The following IGF2BP3 variants were observed in gnomAD, a reference collection of about 807,000 sequenced individuals.
IGF2BP3 encodes the protein insulin like growth factor 2 mRNA binding protein 3.
A neutral mutation model predicts 73.8 loss-of-function variants in IGF2BP3; 9 were observed. The ratio of observed to expected loss-of-function variants is 0.12; its 90% CI spans 0.07 to 0.21. IGF2BP3 has a LOEUF of 0.21. Among genes scored for constraint, IGF2BP3 ranks in the 10% least tolerant of loss-of-function variants. The pLI is 1.00. For missense variants in IGF2BP3, 542 were observed against 714.0 expected (o/e 0.76, Z 2.75); for synonymous variants, 258 against 256.7 (o/e 1.01, Z -0.05).
chr7:23,353,863 C>T (rs1234525187), intron 5 of IGF2BP3, among the ~76,000 whole-genome samples: 3 of 152,030 alleles, frequency 2.0e-5, no homozygotes, highest in Non-Finnish European at 4.4e-5. Context: ...GATTAAGGGA[C>T]CTAAAATATT....
At chr7:23,375,392 T>A (rs1785686554) in intron 3 of IGF2BP3, among the ~76,000 whole-genome samples, 1 of 152,064 alleles carries the variant, frequency 6.6e-6, no homozygotes, top group African/African-American at 2.4e-5. Context: ...TCCCCCAACA[T>A]GCCACACAGT....
chr7:23,317,093 T>G (rs1366021275), intron 12 of IGF2BP3, among the ~76,000 whole-genome samples: 1 of 152,186 alleles, frequency 6.6e-6, no homozygotes, highest in Non-Finnish European at 1.5e-5. Flanking sequence ...CAGTAGACAT[T>G]GAAAGGCACA....
At chr7:23,355,238 T>C (rs193062879) in intron 5 of IGF2BP3, among the ~76,000 whole-genome samples, 96 of 150,782 alleles carry the variant, frequency 6.4e-4, no homozygotes, top group Admixed American at 1.1e-3. Flanking sequence ...TTTTTTTTTT[T>C]TGAGACAGAG....
rs1785239911 is a variant in IGF2BP3 at position 23,361,924 on chromosome 7, G to A, written c.286-183C>T. Among the ~76,000 whole-genome samples the A allele has an allele frequency of 2.0e-5, 3 of 152,162 alleles. No individual in the cohort carries two copies. In the South Asian group the frequency reaches 6.2e-4, roughly 31 times the overall value. ...TATCACACTCAGACTTGTCTCTTCT[G>A]CCCTCTCCTAGATCCCTGACATTAA... On this transcript the variant is annotated intron_variant, in intron 3 of 14. Transcript: ENST00000258729.
chr7:23,345,311 T>C (rs900291686), intron 8 of IGF2BP3, among the ~76,000 whole-genome samples: 6 of 152,232 alleles, frequency 3.9e-5, no homozygotes, highest in African/African-American at 1.4e-4. Context: ...GTCCCACACA[T>C]ACATACCAAA....
At position 23,470,106 on chromosome 7, in the gene IGF2BP3, T is replaced by C. The variant is rs1434180462; in HGVS notation, c.5A>G (p.Asn2Ser). ...GCTGAGGTTTCCGATATACAGTTTG[T>C]TCATTGTGAAGAGTGGTTGTTTAAA... M[N>S]KLYIGNLSEN... Residue 2 changes from asparagine to serine, a missense_variant, in exon 1 of 15, where the codon AAC becomes AGC. Asn to Ser is a conservative substitution (Grantham distance 46). This residue lies in a region of IGF2BP3 where 239 missense variants were observed against 241.9 expected (regional missense o/e 0.99). Transcript: ENST00000258729. 1 of 1,604,966 alleles carries C rather than the reference T, an allele frequency of 6.2e-7. No homozygotes were observed. The highest frequency in any genetic ancestry group is 8.5e-7 in the Non-Finnish European group (1 of 1,177,206).
intron 2 of IGF2BP3, among the ~76,000 whole-genome samples, chr7:23,464,237 A>G (rs1165442389): frequency 6.6e-6 from 1 of 152,160 alleles, no homozygotes; most frequent in Non-Finnish European, 1.5e-5. Context: ...TAGCCACTTA[A>G]AGTAAGTTAC....
chr7:23,318,122 T>A (rs1315533259), intron 11 of IGF2BP3, among the ~76,000 whole-genome samples: 2 of 152,176 alleles, frequency 1.3e-5, no homozygotes, highest in African/African-American at 4.8e-5. Flanking sequence ...GTGCTCAAAG[T>A]ATGGTCCTTG....
chr7:23,466,895 A>C (rs1050400985), intron 2 of IGF2BP3, among the ~76,000 whole-genome samples: 1 of 152,244 alleles, frequency 6.6e-6, no homozygotes, highest in Non-Finnish European at 1.5e-5. Context: ...TTGAGGCACA[A>C]CCATTTGCTT....
chr7:23,337,506 A>C (rs1784603768), intron 10 of IGF2BP3, among the ~76,000 whole-genome samples: 1 of 152,214 alleles, frequency 6.6e-6, no homozygotes, highest in East Asian at 1.9e-4. Context: ...AGCTGTCCCC[A>C]ACATGTATTT....
At chr7:23,436,141 T>A (rs2128543511) in intron 2 of IGF2BP3, among the ~76,000 whole-genome samples, 1 of 152,344 alleles carries the variant, frequency 6.6e-6, no homozygotes, top group Non-Finnish European at 1.5e-5. Context: ...ACTTAAGACC[T>A]ATTAACCAAT....
intron 2 of IGF2BP3, among the ~76,000 whole-genome samples, chr7:23,465,651 C>T (rs1562767548): frequency 1.3e-5 from 2 of 152,204 alleles, no homozygotes; most frequent in Non-Finnish European, 2.9e-5. Context: ...TTCTCCAGCA[C>T]CAGGTTCCTG....
intron 10 of IGF2BP3, 95 bp downstream of exon 10, chr7:23,341,969 G>A: frequency 7.6e-7 from 1 of 1,310,284 alleles, no homozygotes; most frequent in Non-Finnish European, 1.0e-6. Context: ...GAACTGGAGA[G>A]CATATGTTGG....
chr7:23,346,182 T>C, intron 7 of IGF2BP3, 120 bp from the exon 8 acceptor site: 1 of 1,148,338 alleles, frequency 8.7e-7, no homozygotes, highest in Non-Finnish European at 1.2e-6. Flanking sequence ...CTGTGTTAGG[T>C]ACAGCTTAAA....
At chr7:23,406,087 G>C (rs534428900) in intron 3 of IGF2BP3, among the ~76,000 whole-genome samples, 1 of 150,330 alleles carries the variant, frequency 6.7e-6, no homozygotes, top group Non-Finnish European at 1.5e-5. Context: ...AAAAAAGAAA[G>C]AAAAATTGTC....
Position 23,312,463 on chromosome 7 carries a change from A to G in IGF2BP3, c.1642-3T>C. ...TCCTGAATTTTTCTCTGGGCAACCT[A>G]GAAAAGGACAGAGCTTTGAAATTCC... On this transcript the variant is annotated splice_region_variant and splice_polypyrimidine_tract_variant and intron_variant, in intron 14 of 14. Coordinates refer to ENST00000258729, the MANE Select transcript of IGF2BP3 (RefSeq NM_006547.3). 3 of 1,598,082 alleles carry G rather than the reference A, an allele frequency of 1.9e-6. No homozygotes were observed. Among genetic ancestry groups the G allele is most frequent in the South Asian group, 2.2e-5 (2 of 90,758 alleles).
intron 10 of IGF2BP3, among the ~76,000 whole-genome samples, chr7:23,321,353 C>T (rs545662770): frequency 2.0e-4 from 31 of 152,272 alleles, no homozygotes; most frequent in African/African-American, 7.2e-4. Flanking sequence ...ATGAATACTG[C>T]GCTTTTCCGA....
intron 2 of IGF2BP3, among the ~76,000 whole-genome samples, chr7:23,438,833 T>TG (rs138627155): frequency 0.17 from 25,444 of 152,208 alleles, 2,539 homozygotes; most frequent in African/African-American, 0.28. Flanking sequence ...GTAGCAATAA[T>TG]GTAAAATCTA....
rs533765326 is a variant in IGF2BP3 at position 23,316,707 on chromosome 7, A to C, written c.1395+932T>G. 3.2e-4 allele frequency among the ~76,000 whole-genome samples: 49 copies of C among 151,646 alleles called. No homozygotes were observed. In the South Asian group the frequency reaches 4.2e-3, roughly 13 times the overall value. On this transcript the variant is annotated intron_variant, in intron 12 of 14. Coordinates refer to ENST00000258729, the MANE Select transcript of IGF2BP3 (RefSeq NM_006547.3). ...AAAAAAAAAAAAAGAGAAAAAAAAA[A>C]CTACAGCTTAAGGTTAAATAGTTGT... is the stretch of plus-strand genomic sequence containing the variant.
Sources: allele counts gnomAD v4.1 joint callset (sites outside exome capture counted in the v4.1 genomes callset), GRCh38; gene constraint gnomAD v4.1.1; regional missense constraint gnomAD v4.1.1; transcripts MANE v1.5; gene names NCBI Gene and HGNC (gene_info 2026-07-23, HGNC 2026-07-21).